MYT1L: variants seen among roughly 807,000 people sequenced by gnomAD.
MYT1L encodes the protein myelin transcription factor 1 like.
In MYT1L, 12 loss-of-function variants were observed where a neutral mutation model predicts 126.7. The observed-to-expected ratio is 0.09, with a 90% CI of 0.06 to 0.15. The LOEUF (loss-of-function observed/expected upper bound fraction) is 0.15, where lower values mean the gene tolerates loss of function less well. Among genes scored for constraint, MYT1L ranks in the 10% least tolerant of loss-of-function variants. The pLI is 1.00. For missense variants in MYT1L, 979 were observed against 1,585.2 expected (o/e 0.62, Z 6.49); for synonymous variants, 541 against 604.2 (o/e 0.90, Z 1.53).
intron 2 of MYT1L, among the ~76,000 whole-genome samples, chr2:2,214,490 G>A (rs542050028): frequency 6.6e-6 from 1 of 152,240 alleles, no homozygotes; most frequent in South Asian, 2.1e-4. Flanking sequence ...AAAAAAAGGT[G>A]TGAAGGATCA....
chr2:2,151,891 C>T (rs558797199), intron 3 of MYT1L, among the ~76,000 whole-genome samples: 1 of 152,132 alleles, frequency 6.6e-6, no homozygotes, highest in Non-Finnish European at 1.5e-5. Flanking sequence ...CCGGTCTCTA[C>T]TAAAAACGCA....
intron 3 of MYT1L, among the ~76,000 whole-genome samples, chr2:2,063,604 G>A (rs1454495415): frequency 6.6e-6 from 1 of 152,206 alleles, no homozygotes; most frequent in Non-Finnish European, 1.5e-5. Flanking sequence ...AGAACTTTGG[G>A]AGGCCAAGGT....
At chr2:2,174,112 T>G (rs1054844440) in intron 2 of MYT1L, among the ~76,000 whole-genome samples, 1 of 152,202 alleles carries the variant, frequency 6.6e-6, no homozygotes, top group Admixed American at 6.5e-5. Context: ...GGTTTTAAAA[T>G]TACCCTGAAA....
chr2:2,134,829 C>T (rs2082835069), intron 3 of MYT1L, among the ~76,000 whole-genome samples: 1 of 152,192 alleles, frequency 6.6e-6, no homozygotes. Context: ...GCTAACAGTC[C>T]AAACTCCTTA....
At chr2:1,962,168 A>G (rs1033811407) in intron 8 of MYT1L, among the ~76,000 whole-genome samples, 11 of 152,230 alleles carry the variant, frequency 7.2e-5, no homozygotes, top group Non-Finnish European at 1.3e-4. Flanking sequence ...AATACCTTGC[A>G]TGCATTTTTC....
At chr2:2,031,893 C>T (rs1214748638) in intron 4 of MYT1L, among the ~76,000 whole-genome samples, 2 of 141,772 alleles carry the variant, frequency 1.4e-5, no homozygotes, top group Non-Finnish European at 3.0e-5. Flanking sequence ...GAAGGAGGGC[C>T]TTATACACAC....
intron 9 of MYT1L, among the ~76,000 whole-genome samples, chr2:1,928,841 T>G (rs956471416): frequency 4.6e-5 from 7 of 152,048 alleles, no homozygotes; most frequent in Non-Finnish European, 1.0e-4. Flanking sequence ...ATTAGAAAAT[T>G]AGGAAAATCC....
chr2:2,226,410 G>A (rs2094010747), intron 2 of MYT1L, among the ~76,000 whole-genome samples: 1 of 152,180 alleles, frequency 6.6e-6, no homozygotes, highest in African/African-American at 2.4e-5. Flanking sequence ...CTTCATTGAA[G>A]TGTTTGTCTT....
intron 18 of MYT1L, among the ~76,000 whole-genome samples, chr2:1,853,283 A>G (rs752502496): frequency 2.6e-5 from 4 of 152,172 alleles, no homozygotes; most frequent in Non-Finnish European, 5.9e-5. Context: ...TGGGGATTTT[A>G]AAAGAGGAGT....
intron 8 of MYT1L, among the ~76,000 whole-genome samples, chr2:1,957,801 C>T (rs2058622583): frequency 6.6e-6 from 1 of 152,196 alleles, no homozygotes; most frequent in Non-Finnish European, 1.5e-5. Context: ...TCCCAGTCTC[C>T]AGGGAGCACC....
chr2:2,118,799 C>A (rs1417371028), intron 3 of MYT1L, among the ~76,000 whole-genome samples: 1 of 152,280 alleles, frequency 6.6e-6, no homozygotes, highest in African/African-American at 2.4e-5. Context: ...CCCTCCCAGA[C>A]TAAACTACCA....
At position 1,910,368 on chromosome 2, in the gene MYT1L, T is replaced by C. The variant is rs936091560; in HGVS notation, c.1710-21A>G. The C allele has an allele frequency of 6.2e-7, 1 of 1,600,146 alleles. No homozygotes were observed. Among genetic ancestry groups the C allele is most frequent in the African/African-American group, 1.3e-5 (1 of 74,864 alleles). On this transcript the variant is annotated intron_variant, in intron 12 of 24. Coordinates refer to ENST00000647738, the MANE Select transcript of MYT1L (RefSeq NM_001303052.2). The surrounding 1 kb of genome is among the most constrained non-coding windows in gnomAD (Gnocchi z 4.8). ...AGAGGCTGCAATCACAGAAAGCGGG[T>C]TGAATGGTCCCGCCTCAAACACCTT...
chr2:2,283,402 A>T (rs1201091589), intron 2 of MYT1L, among the ~76,000 whole-genome samples: 1 of 152,250 alleles, frequency 6.6e-6, no homozygotes, highest in African/African-American at 2.4e-5. Flanking sequence ...AAAGAACGAC[A>T]TTGAGAGGAT....
rs1446732370 is a variant in MYT1L, at chr2:2,308,048, T to C, written c.-521+22919A>G. On this transcript the variant is annotated intron_variant, in intron 1 of 24. Coordinates refer to ENST00000647738, the MANE Select transcript of MYT1L (RefSeq NM_001303052.2). ...GCTCCACCTATGCCTTAGTATACTC[T>C]ATACTCCACCTATGCTTCATCTATA... 3.9e-5 allele frequency among the ~76,000 whole-genome samples: 6 copies of C among 151,914 alleles called. No individual in the cohort carries two copies. The East Asian group carries it at 1.2e-3, about 29-fold the overall frequency.
In MYT1L at chr2:1,917,141, G is replaced by A; in HGVS notation, c.1618+64C>T. 3 of 1,560,370 alleles carry A rather than the reference G, an allele frequency of 1.9e-6. No homozygotes were observed. Among genetic ancestry groups the A allele is most frequent in the East Asian group, 2.3e-5 (1 of 44,262 alleles). ...CAATGGAGATGATGTCAGGTAAGAGGGATGACAGAGACAGAGTCATGGGTG... is the reference window on the plus strand; with the variant it reads ...CAATGGAGATGATGTCAGGTAAGAGAGATGACAGAGACAGAGTCATGGGTG... On this transcript the variant is annotated intron_variant, in intron 11 of 24. Coordinates refer to ENST00000647738, the MANE Select transcript of MYT1L (RefSeq NM_001303052.2). This position sits in a 1 kb window ranked among gnomAD's most constrained non-coding sequence, Gnocchi z 5.9.
chr2:2,197,693 G>GCA (rs927917644), intron 2 of MYT1L, among the ~76,000 whole-genome samples: 2 of 126,870 alleles, frequency 1.6e-5, no homozygotes, highest in Non-Finnish European at 3.3e-5. Flanking sequence ...ATACATACAT[G>GCA]CACACACACA....
chr2:1,962,421 C>T (rs929717894), intron 8 of MYT1L, among the ~76,000 whole-genome samples: 1 of 152,288 alleles, frequency 6.6e-6, no homozygotes, highest in South Asian at 2.1e-4. Flanking sequence ...GCCTTCAGGG[C>T]GTCCTAATCT....
At chr2:1,896,097 T>G (rs1007683853) in intron 14 of MYT1L, among the ~76,000 whole-genome samples, 2 of 152,150 alleles carry the variant, frequency 1.3e-5, no homozygotes, top group Non-Finnish European at 2.9e-5. Context: ...ATGCTCAACA[T>G]CACTAATCAC....
chr2:2,215,618 T>C (rs2093653991), intron 2 of MYT1L, among the ~76,000 whole-genome samples: 1 of 152,190 alleles, frequency 6.6e-6, no homozygotes, highest in Non-Finnish European at 1.5e-5. Flanking sequence ...TGATAATTGA[T>C]AGAACAAGTA....
Sources: allele counts gnomAD v4.1 joint callset (sites outside exome capture counted in the v4.1 genomes callset), GRCh38; gene constraint gnomAD v4.1.1; non-coding constraint Gnocchi (gnomAD v3.1); transcripts MANE v1.5; gene names NCBI Gene and HGNC (gene_info 2026-07-23, HGNC 2026-07-21).